Variants in MGMT observed in about 807,000 individuals in gnomAD.
The protein encoded by MGMT is O-6-methylguanine-DNA methyltransferase.
In MGMT, 14 loss-of-function variants were observed where a neutral mutation model predicts 15.9. That is an observed-to-expected ratio of 0.88 (90% CI 0.58 to 1.37). MGMT has a LOEUF of 1.37. Ranked by LOEUF, MGMT falls within the 40% of genes most tolerant of loss-of-function variation. The pLI, the probability that MGMT is intolerant of heterozygous loss-of-function variation, is 0.00. For synonymous variants in MGMT, 130 were observed against 118.2 expected, an observed-to-expected ratio of 1.10 and a Z score of -0.65; for missense variants, 282 against 268.1, an observed-to-expected ratio of 1.05 and a Z score of -0.36.
intron 4 of MGMT, among the ~76,000 whole-genome samples, chr10:129,766,174 A>G (rs540990877): frequency 4.0e-4 from 61 of 152,350 alleles, no homozygotes; most frequent in African/African-American, 1.4e-3. Context: ...GGGGTTGGCC[A>G]AGTCCTCCTG....
At chr10:129,723,582 A>C (rs973355667) in intron 3 of MGMT, among the ~76,000 whole-genome samples, 1 of 152,248 alleles carries the variant, frequency 6.6e-6, no homozygotes, top group African/African-American at 2.4e-5. Context: ...AGACTTCATT[A>C]AGTAAATGAG....
At chr10:129,749,060 G>A (rs1216323761) in intron 3 of MGMT, among the ~76,000 whole-genome samples, 5 of 152,174 alleles carry the variant, frequency 3.3e-5, no homozygotes, top group Non-Finnish European at 7.4e-5. Context: ...CGTTTTATAA[G>A]TTTATAATAC....
intron 3 of MGMT, among the ~76,000 whole-genome samples, chr10:129,739,761 CATT>C (rs1333913697): frequency 2.0e-5 from 3 of 152,186 alleles, no homozygotes; most frequent in East Asian, 1.9e-4. Context: ...TTTCTTAACA[CATT>C]ATGAGTTTTT....
At chr10:129,622,048 G>A (rs1033399962) in intron 2 of MGMT, among the ~76,000 whole-genome samples, 1 of 152,210 alleles carries the variant, frequency 6.6e-6, no homozygotes, top group African/African-American at 2.4e-5. Flanking sequence ...AGGAGCAGTG[G>A]TTTATGGCAT....
chr10:129,666,910 C>T (rs1253291970), intron 2 of MGMT, among the ~76,000 whole-genome samples: 7 of 152,130 alleles, frequency 4.6e-5, no homozygotes, highest in Non-Finnish European at 1.0e-4. Flanking sequence ...GTTCCCACAC[C>T]TGAAAAGCAT....
chr10:129,575,712 C>CA (rs1337732078), intron 2 of MGMT, among the ~76,000 whole-genome samples: 4 of 146,098 alleles, frequency 2.7e-5, no homozygotes, highest in East Asian at 2.0e-4. Flanking sequence ...AATAGAGACA[C>CA]AAAAAACCCT....
At chr10:129,559,528 A>G (rs1846253831) in intron 2 of MGMT, among the ~76,000 whole-genome samples, 1 of 151,790 alleles carries the variant, frequency 6.6e-6, no homozygotes, top group Admixed American at 6.6e-5. Flanking sequence ...TTTAGGGGAG[A>G]TTTCTTTAGG....
chr10:129,559,440 C>T (rs533156107), intron 2 of MGMT, among the ~76,000 whole-genome samples: 6 of 152,092 alleles, frequency 3.9e-5, no homozygotes, highest in South Asian at 2.1e-4. Flanking sequence ...AGAATTGAGT[C>T]CTTAAGTAAT....
intron 2 of MGMT, among the ~76,000 whole-genome samples, chr10:129,681,389 A>G (rs68109323): frequency 0.21 from 31,258 of 152,114 alleles, 4,005 homozygotes; most frequent in African/African-American, 0.37. Context: ...GGGGACGCCC[A>G]TGGTCCTGGC....
rs888506924 is a variant in MGMT at position 129,745,211 on chromosome 10, ATG to A, written c.275-13987_275-13986del. Among the ~76,000 whole-genome samples, 180 of 152,324 alleles carry A rather than the reference ATG, an allele frequency of 1.2e-3. 1 individual carries two copies. Among genetic ancestry groups the A allele is most frequent in the African/African-American group, 4.2e-3 (174 of 41,576 alleles). ...TGATTAAAGAGAAGGTAACTTGGAAATGTGTTTTCCCTCATCTTTTTGTTAAT... is the reference window on the plus strand; with the variant it reads ...TGATTAAAGAGAAGGTAACTTGGAAATGTTTTCCCTCATCTTTTTGTTAAT... On this transcript the variant is annotated intron_variant, in intron 3 of 4. Coordinates refer to ENST00000651593, the MANE Select transcript of MGMT (RefSeq NM_002412.5).
chr10:129,699,532 G>A (rs1848072494), intron 2 of MGMT, among the ~76,000 whole-genome samples: 1 of 151,936 alleles, frequency 6.6e-6, no homozygotes, highest in Non-Finnish European at 1.5e-5. Context: ...ATTTTAAATG[G>A]CCTCTTTCTC....
chr10:129,530,382 T>C (rs11813056), intron 1 of MGMT, among the ~76,000 whole-genome samples: 27,524 of 152,204 alleles, frequency 0.18, 2,818 homozygotes, highest in African/African-American at 0.26. Context: ...AAGCAACGTA[T>C]GGTGTGGTTT....
At chr10:129,647,869 A>G (rs555976024) in intron 2 of MGMT, among the ~76,000 whole-genome samples, 3 of 152,224 alleles carry the variant, frequency 2.0e-5, no homozygotes, top group Admixed American at 6.5e-5. Context: ...GAAAATGACA[A>G]AAATGTTCTT....
intron 2 of MGMT, among the ~76,000 whole-genome samples, chr10:129,660,775 AACAC>A (rs10634898): frequency 4.7e-5 from 7 of 149,138 alleles, no homozygotes; most frequent in East Asian, 2.0e-4. Context: ...CCCCACCCCC[AACAC>A]ACACACACAC....
intron 1 of MGMT, among the ~76,000 whole-genome samples, chr10:129,476,468 G>T (rs940760097): frequency 8.5e-5 from 13 of 152,202 alleles, no homozygotes; most frequent in Non-Finnish European, 1.9e-4. Flanking sequence ...GAAGGCTCTG[G>T]TGTTGGCTGA....
chr10:129,656,546 A>C (rs1427251022), intron 2 of MGMT, among the ~76,000 whole-genome samples: 3 of 152,200 alleles, frequency 2.0e-5, no homozygotes, highest in Admixed American at 2.0e-4. Flanking sequence ...CAGCCTCAGG[A>C]GGTCCTGATG....
chr10:129,641,173 C>G (rs549846156), intron 2 of MGMT, among the ~76,000 whole-genome samples: 14 of 152,320 alleles, frequency 9.2e-5, no homozygotes, highest in African/African-American at 3.4e-4. Context: ...TTTCTATATA[C>G]TAGCAATGAA....
chr10:129,486,825 C>T (rs534732511), intron 1 of MGMT, among the ~76,000 whole-genome samples: 1 of 152,306 alleles, frequency 6.6e-6, no homozygotes, highest in African/African-American at 2.4e-5. Context: ...GTCATTTCAG[C>T]ATTTTCATGT....
intron 4 of MGMT, among the ~76,000 whole-genome samples, chr10:129,765,941 T>C (rs932170238): frequency 1.3e-5 from 2 of 152,138 alleles, no homozygotes; most frequent in African/African-American, 2.4e-5. Context: ...GAGCTCCTCC[T>C]GTCTACACAG....
Sources: allele counts gnomAD v4.1 joint callset (sites outside exome capture counted in the v4.1 genomes callset), GRCh38; gene constraint gnomAD v4.1.1; transcripts MANE v1.5; gene names NCBI Gene and HGNC (gene_info 2026-07-23, HGNC 2026-07-21).